PCSK5: variants seen among roughly 807,000 people sequenced by gnomAD.
PCSK5 encodes the protein proprotein convertase subtilisin/kexin type 5, also known as prohormone convertase 5.
In PCSK5, 129 loss-of-function variants were observed where a neutral mutation model predicts 233.2. The ratio of observed to expected loss-of-function variants is 0.55; its 90% CI spans 0.48 to 0.64. The LOEUF is 0.64. Among genes scored for constraint, PCSK5 ranks in the 30% least tolerant of loss-of-function variants. PCSK5 has a pLI of 0.00. For synonymous variants in PCSK5, 825 were observed against 879.2 expected (o/e 0.94, Z 1.09); for missense variants, 2,076 against 2,430.1 (o/e 0.85, Z 3.06).
At chr9:76,346,632 A>G (rs1372108709) in intron 35 of PCSK5, among the ~76,000 whole-genome samples, 1 of 151,962 alleles carries the variant, frequency 6.6e-6, no homozygotes, top group African/African-American at 2.4e-5. Flanking sequence ...TCCTTTCTTT[A>G]CTATAGCACA....
intron 24 of PCSK5, among the ~76,000 whole-genome samples, chr9:76,269,628 C>A (rs1827446017): frequency 6.6e-6 from 1 of 152,164 alleles, no homozygotes; most frequent in African/African-American, 2.4e-5. Context: ...GGAGCTTCAG[C>A]TAAACCTCCT....
intron 12 of PCSK5, among the ~76,000 whole-genome samples, chr9:76,163,323 G>A (rs1009361225): frequency 3.9e-5 from 6 of 152,180 alleles, no homozygotes; most frequent in Admixed American, 1.3e-4. Flanking sequence ...CCTGGCTGAC[G>A]GGCACTTGCC....
chr9:76,033,287 G>A (rs1007444628), intron 5 of PCSK5, among the ~76,000 whole-genome samples: 3 of 152,126 alleles, frequency 2.0e-5, no homozygotes, highest in South Asian at 4.1e-4. Flanking sequence ...GCCTTAACAC[G>A]TACAAACATT....
chr9:76,068,189 C>T (rs1474440464), intron 6 of PCSK5, 146 bp downstream of exon 6: 6 of 584,808 alleles, frequency 1.0e-5, no homozygotes, highest in Middle Eastern at 2.6e-4. Flanking sequence ...CCCAACATGA[C>T]CATGTTAGCA....
chr9:75,948,612 A>G (rs1296539002), intron 2 of PCSK5, among the ~76,000 whole-genome samples: 1 of 152,146 alleles, frequency 6.6e-6, no homozygotes, highest in Non-Finnish European at 1.5e-5. Flanking sequence ...ATAGTGCCAC[A>G]ATAAATATAC....
At chr9:76,328,849 C>T (rs1416429039) in intron 33 of PCSK5, among the ~76,000 whole-genome samples, 1 of 151,958 alleles carries the variant, frequency 6.6e-6, no homozygotes, top group African/African-American at 2.4e-5. Context: ...CACTCAGTTG[C>T]TCAGAGTGGA....
chr9:75,893,239 G>A (rs1825683525), intron 1 of PCSK5, among the ~76,000 whole-genome samples: 1 of 152,100 alleles, frequency 6.6e-6, no homozygotes, highest in Admixed American at 6.5e-5. Context: ...AAACAACCTT[G>A]TTTGGTGAAT....
chr9:76,174,196 G>T (rs551002367), intron 13 of PCSK5, among the ~76,000 whole-genome samples: 1 of 152,160 alleles, frequency 6.6e-6, no homozygotes, highest in Non-Finnish European at 1.5e-5. Context: ...CAGGTCTATA[G>T]GACAGTATAA....
chr9:76,156,522 T>C (rs1822594367), intron 10 of PCSK5, among the ~76,000 whole-genome samples: 1 of 152,278 alleles, frequency 6.6e-6, no homozygotes, highest in African/African-American at 2.4e-5. Flanking sequence ...CTTCTTGCAC[T>C]ATGAGAAGTC....
chr9:76,359,424 T>C lies in PCSK5; in HGVS notation c.*502T>C, dbSNP rs1830386910. 2 of 161,780 alleles carry C rather than the reference T, an allele frequency of 1.2e-5. 1 individual carries two copies. Among genetic ancestry groups the C allele is most frequent in the South Asian group, 3.4e-4 (2 of 5,864 alleles). The allele number at this position is 161,780 out of a possible 1,614,324, so 10.0% of individuals were successfully genotyped here. ...TTAGCTGTCTTTAGGCAGAAATTTG[T>C]TTTGTAAGGGCCAAGAAAAGAGGGC... On this transcript the variant is annotated 3_prime_UTR_variant, in exon 38 of 38. Transcript: ENST00000674117.
intron 10 of PCSK5, among the ~76,000 whole-genome samples, chr9:76,155,946 C>T (rs1264173372): frequency 6.6e-6 from 1 of 152,124 alleles, no homozygotes; most frequent in Non-Finnish European, 1.5e-5. Flanking sequence ...TAAGAGGGGC[C>T]TTCCTAAAGC....
chr9:76,013,316 T>C (rs1827811230), intron 3 of PCSK5, among the ~76,000 whole-genome samples: 2 of 152,236 alleles, frequency 1.3e-5, no homozygotes, highest in African/African-American at 4.8e-5. Flanking sequence ...AGCTTCATTG[T>C]TTTGTGCATT....
rs565382921 is a variant in PCSK5 at position 76,277,457 on chromosome 9, A to C, written c.3143-14776A>C. Among the ~76,000 whole-genome samples, 25 of 152,234 alleles carry C rather than the reference A, an allele frequency of 1.6e-4. No homozygotes were observed. In the South Asian group the frequency reaches 5.2e-3, roughly 32 times the overall value. ...GATATTCCATCACTGGAATTAGAGG[A>C]CTCGATAAAGACTAGAGACCAATAG... is the stretch of plus-strand genomic sequence containing the variant. On this transcript the variant is annotated intron_variant, in intron 24 of 37. Coordinates refer to ENST00000674117, the MANE Select transcript of PCSK5 (RefSeq NM_001372043.1).
chr9:76,116,444 G>A (rs375131273), intron 9 of PCSK5, among the ~76,000 whole-genome samples: 1 of 152,086 alleles, frequency 6.6e-6, no homozygotes, highest in Non-Finnish European at 1.5e-5. Flanking sequence ...AACGCAATAA[G>A]TCTGTGACAC....
chr9:76,027,077 A>G (rs1341918049), intron 5 of PCSK5, 40 bp downstream of exon 5: 1 of 1,377,364 alleles, frequency 7.3e-7, no homozygotes, highest in South Asian at 1.2e-5. Flanking sequence ...GTGGCTGGCA[A>G]GGAGCTTTGT....
intron 11 of PCSK5, among the ~76,000 whole-genome samples, chr9:76,158,715 A>G (rs1014936005): frequency 2.6e-5 from 4 of 152,132 alleles, no homozygotes; most frequent in African/African-American, 7.2e-5. Context: ...CTGTGTTTTA[A>G]CAAGCTGACA....
At chr9:76,079,897 T>C (rs1830773211) in intron 7 of PCSK5, among the ~76,000 whole-genome samples, 1 of 152,188 alleles carries the variant, frequency 6.6e-6, no homozygotes, top group Non-Finnish European at 1.5e-5. Flanking sequence ...TATATTGAAA[T>C]ATTTTTCTGT....
At chr9:76,286,576 GA>G in intron 24 of PCSK5, 1 of 156,122 alleles carries the variant, frequency 6.4e-6, no homozygotes, top group Non-Finnish European at 1.4e-5. Context: ...GAGTCCTCTT[GA>G]AAGGGGAAGG....
chr9:76,066,776 A>C (rs1830302973), intron 5 of PCSK5, among the ~76,000 whole-genome samples: 1 of 152,186 alleles, frequency 6.6e-6, no homozygotes, highest in Admixed American at 6.5e-5. Context: ...CAGTAACTTG[A>C]TTATAGTTGC....
Sources: gnomAD v4.1 joint callset for allele counts (sites outside exome capture counted in the v4.1 genomes callset) on GRCh38, gnomAD v4.1.1 for gene constraint, MANE v1.5 for transcripts, NCBI Gene and HGNC (gene_info 2026-07-23, HGNC 2026-07-21) for gene names.